Variants in LYPLAL1 observed in about 807,000 individuals in gnomAD.
LYPLAL1 encodes lysophospholipase-like protein 1.
Under a neutral mutation model 19.7 loss-of-function variants are expected in LYPLAL1, and 23 were observed. The observed-to-expected ratio is 1.17, with a 90% CI of 0.84 to 1.65. The LOEUF is 1.65. LYPLAL1 is among the 40% of genes most tolerant of loss of function. LYPLAL1 has a pLI of 0.00. For missense variants in LYPLAL1, 355 were observed against 279.4 expected (o/e 1.27, Z -1.93); for synonymous variants, 119 against 96.3 (o/e 1.24, Z -1.38).
chr1:219,247,722 A>T, the LYPLAL1 span, among the ~76,000 whole-genome samples: 1 of 152,220 alleles, frequency 6.6e-6, no homozygotes, highest in African/African-American at 2.4e-5. Flanking sequence ...GAGAGGCACC[A>T]TGTTTATTCA....
chr1:219,401,844 A>C, the LYPLAL1 span, among the ~76,000 whole-genome samples: 2 of 152,204 alleles, frequency 1.3e-5, no homozygotes, highest in Non-Finnish European at 2.9e-5. Flanking sequence ...CTAGGGATGG[A>C]TATGAATAGA....
chr1:219,222,588 A>G, the LYPLAL1 span: 1 of 152,140 alleles, frequency 6.6e-6, no homozygotes, highest in Non-Finnish European at 1.5e-5. Context: ...CTTAGTAACC[A>G]TCATGCACAC....
the LYPLAL1 span, among the ~76,000 whole-genome samples, chr1:219,261,733 T>A: frequency 6.6e-6 from 1 of 152,224 alleles, no homozygotes; most frequent in African/African-American, 2.4e-5. Context: ...CTGAGAAATC[T>A]GCTGTTAATC....
chr1:219,179,457 T>A (rs1227700616), intron 2 of LYPLAL1: 2 of 493,672 alleles, frequency 4.1e-6, no homozygotes, highest in Non-Finnish European at 7.1e-6. Flanking sequence ...CTGTAAAGCA[T>A]TCCCTAAAGC....
chr1:219,379,386 G>C, the LYPLAL1 span, among the ~76,000 whole-genome samples: 1 of 152,232 alleles, frequency 6.6e-6, no homozygotes, highest in Non-Finnish European at 1.5e-5. Context: ...CATTGTCCCA[G>C]TGTGGGAGAA....
the LYPLAL1 span, among the ~76,000 whole-genome samples, chr1:219,396,476 CATTGGTATTGAAT>C: frequency 6.6e-6 from 1 of 152,100 alleles, no homozygotes; most frequent in Non-Finnish European, 1.5e-5. Context: ...TGAAGAATGT[CATTGGTATTGAAT>C]CCATAAATTG....
the LYPLAL1 span, among the ~76,000 whole-genome samples, chr1:219,268,011 CAAAACACCTT>C: frequency 1.3e-5 from 2 of 152,072 alleles, no homozygotes; most frequent in East Asian, 3.8e-4. Context: ...GTAACTGGTC[CAAAACACCTT>C]ATAAGTAATA....
the LYPLAL1 span, among the ~76,000 whole-genome samples, chr1:219,334,875 T>C: frequency 6.6e-6 from 1 of 151,948 alleles, no homozygotes; most frequent in African/African-American, 2.4e-5. Flanking sequence ...GCATTCTTGG[T>C]AACATGGAAG....
At chr1:219,336,776 G>A in the LYPLAL1 span, among the ~76,000 whole-genome samples, 1 of 151,986 alleles carries the variant, frequency 6.6e-6, no homozygotes, top group Non-Finnish European at 1.5e-5. Flanking sequence ...GAAATGGAAA[G>A]CAATGTTTCT....
At chr1:219,192,967 C>A in intron 2 of LYPLAL1, 115 bp from the exon 3 acceptor site, 1 of 1,074,196 alleles carries the variant, frequency 9.3e-7, no homozygotes, top group Middle Eastern at 3.2e-4. Context: ...ACTTATAAAA[C>A]TTAGAAGAAA....
chr1:219,314,409 C>T, the LYPLAL1 span, among the ~76,000 whole-genome samples: 6 of 152,270 alleles, frequency 3.9e-5, no homozygotes, highest in Non-Finnish European at 5.9e-5. Context: ...AACTGCTTTC[C>T]GCAATGGTTG....
the LYPLAL1 span, among the ~76,000 whole-genome samples, chr1:219,353,831 C>T: frequency 8.6e-5 from 13 of 151,470 alleles, no homozygotes; most frequent in African/African-American, 2.7e-4. Context: ...AAAATATGAC[C>T]GAGAAATTGA....
intron 3 of LYPLAL1, among the ~76,000 whole-genome samples, chr1:219,205,941 G>T (rs964702436): frequency 2.0e-5 from 3 of 152,102 alleles, no homozygotes; most frequent in Non-Finnish European, 2.9e-5. Context: ...TATGAGAGGA[G>T]ATATCCAAAT....
the LYPLAL1 span, among the ~76,000 whole-genome samples, chr1:219,294,418 A>G: frequency 1.4e-3 from 183 of 134,248 alleles, no homozygotes; most frequent in Non-Finnish European, 2.6e-3. Context: ...TCTGTTTTTC[A>G]TGGAGAACAC....
the LYPLAL1 span, among the ~76,000 whole-genome samples, chr1:219,433,136 G>A: frequency 6.6e-6 from 1 of 152,270 alleles, no homozygotes; most frequent in Non-Finnish European, 1.5e-5. Context: ...TGTTTCTAGC[G>A]GGGACTGGAA....
chr1:219,270,207 C>A, the LYPLAL1 span, among the ~76,000 whole-genome samples: 1 of 152,110 alleles, frequency 6.6e-6, no homozygotes, highest in African/African-American at 2.4e-5. Context: ...TGTCAATATC[C>A]GAGATTCATT....
At position 219,193,150 on chromosome 1, in the gene LYPLAL1, G is replaced by A. The variant is rs1488960015; in HGVS notation, c.260G>A (p.Cys87Tyr). ...GACAGATTTAAAATAACCAATGACT[G>A]CCCAGAACACCTTGAATCAATTGAT... ...WFDRFKITND[C>Y]PEHLESIDVM... Residue 87 changes from cysteine (C) to tyrosine (Y), a missense_variant, in exon 3 of 5, where the codon TGC becomes TAC. Transcript: ENST00000366928. 1 of 1,608,518 alleles carries A rather than the reference G, an allele frequency of 6.2e-7. No homozygotes were observed. The highest frequency in any genetic ancestry group is 1.1e-5 in the South Asian group (1 of 90,886).
chr1:219,174,189 C>T, intron 1 of LYPLAL1: 1 of 1,418,566 alleles, frequency 7.0e-7, no homozygotes, highest in East Asian at 2.6e-5. Context: ...ATCGGGCGGT[C>T]ACTGGTCCAC....
chr1:219,219,790 C>T, the LYPLAL1 span, among the ~76,000 whole-genome samples: 1 of 152,056 alleles, frequency 6.6e-6, no homozygotes, highest in African/African-American at 2.4e-5. Flanking sequence ...AGCTGGGGCT[C>T]TTTTTTGCTA....
Sources: gnomAD v4.1 joint callset for allele counts (sites outside exome capture counted in the v4.1 genomes callset) on GRCh38, gnomAD v4.1.1 for gene constraint, MANE v1.5 for transcripts, NCBI Gene and HGNC (gene_info 2026-07-23, HGNC 2026-07-21) for gene names.